Variants in SLC9C2 observed in about 807,000 individuals in gnomAD.
The protein encoded by SLC9C2 is sodium/hydrogen exchanger 11.
SLC9C2 carries 75 observed loss-of-function variants against 140.2 expected under a neutral mutation model. The observed-to-expected ratio is 0.53, with a 90% CI of 0.44 to 0.65. SLC9C2 has a LOEUF of 0.65. Among genes scored for constraint, SLC9C2 ranks in the 30% least tolerant of loss-of-function variants. SLC9C2 has a pLI of 0.00. For synonymous variants in SLC9C2, 375 were observed against 420.9 expected, an observed-to-expected ratio of 0.89 and a Z score of 1.34; for missense variants, 1,074 against 1,331.8, an observed-to-expected ratio of 0.81 and a Z score of 3.01.
intron 22 of SLC9C2, among the ~76,000 whole-genome samples, chr1:173,519,126 G>A (rs921971746): frequency 1.3e-4 from 20 of 152,052 alleles, no homozygotes; most frequent in African/African-American, 4.8e-4. Context: ...ATATTGCGGG[G>A]ACTGTAATCA....
intron 4 of SLC9C2, among the ~76,000 whole-genome samples, chr1:173,596,160 C>T (rs533794340): frequency 3.1e-4 from 47 of 152,178 alleles, no homozygotes; most frequent in African/African-American, 1.1e-3. Context: ...AGATGTTCCA[C>T]GATTTGTTTA....
chr1:173,550,440 A>T lies in SLC9C2; in HGVS notation c.1298-1888T>A, dbSNP rs1458875866. Reference sequence around the variant, plus strand: ...TTTTATTTTATTTATTTATTTATTTATTTATTTATTTATTTTTGAGGAGGA... The same window carrying T: ...TTTTATTTTATTTATTTATTTATTTTTTTATTTATTTATTTTTGAGGAGGA... On this transcript the variant is annotated intron_variant, in intron 11 of 27. Transcript: ENST00000367714. Among the ~76,000 whole-genome samples the T allele has an allele frequency of 8.1e-3, 1,010 of 124,120 alleles. 13 individuals carry two copies. Among genetic ancestry groups the T allele is most frequent in the African/African-American group, 0.035 (940 of 27,064 alleles). The allele number at this position is 124,120 out of a possible 152,430, so 81.4% of individuals were successfully genotyped here.
intron 14 of SLC9C2, 96 bp downstream of exon 14, chr1:173,536,846 A>G: frequency 1.2e-6 from 1 of 867,194 alleles, no homozygotes; most frequent in Non-Finnish European, 1.9e-6. Flanking sequence ...GAAATAATAG[A>G]TTGATCAATC....
At chr1:173,579,562 A>T (rs1371478021) in intron 7 of SLC9C2, among the ~76,000 whole-genome samples, 1 of 152,148 alleles carries the variant, frequency 6.6e-6, no homozygotes, top group African/African-American at 2.4e-5. Context: ...TCTAAATCAC[A>T]AGTGTCTCAA....
chr1:173,540,709 A>T (rs1662332075), intron 13 of SLC9C2, among the ~76,000 whole-genome samples: 1 of 152,226 alleles, frequency 6.6e-6, no homozygotes, highest in Non-Finnish European at 1.5e-5. Flanking sequence ...CATTAAAAGT[A>T]CTGCTTTTTG....
At chr1:173,529,245 C>T (rs763842753) in intron 18 of SLC9C2, among the ~76,000 whole-genome samples, 6 of 151,950 alleles carry the variant, frequency 3.9e-5, no homozygotes, top group African/African-American at 9.7e-5. Context: ...CTAAAGAATG[C>T]GAGTCTCCTC....
chr1:173,568,079 A>G (rs1196755148), intron 9 of SLC9C2, among the ~76,000 whole-genome samples: 1 of 152,082 alleles, frequency 6.6e-6, no homozygotes, highest in Non-Finnish European at 1.5e-5. Context: ...GTAGTTTGTC[A>G]TTTTGCATTT....
Position 173,574,456 on chromosome 1 carries a change from T to G in SLC9C2, c.903-1131A>C, listed in dbSNP as rs185325070. Among the ~76,000 whole-genome samples, 459 of 151,834 alleles carry G rather than the reference T, an allele frequency of 3.0e-3. 2 individuals carry two copies. Among genetic ancestry groups the G allele is most frequent in the Non-Finnish European group, 4.9e-3 (336 of 67,950 alleles). On this transcript the variant is annotated intron_variant, in intron 8 of 27. Transcript: ENST00000367714. ...TGAGGGGACCTCAAACCCCAGTGCA[T>G]AGTTTTCAAAAAATTCAGAAGTCAT...
rs1323410471 is a variant in SLC9C2, at chr1:173,533,645, T to G, written c.2127A>C (p.Gly709=). ...LALIQLTVIM[G]YLRIIRFLPL... is the part of the protein sequence containing the mutation. ...GAAGAAACCTAATTATTCTTAAATA[T>G]CCCATTATTACTGTAAGCTGTATAA... Residue 709 remains glycine (G), a synonymous_variant, in exon 17 of 28, where the codon GGA becomes GGC. Transcript: ENST00000367714. 6.2e-7 allele frequency: 1 copy of G among 1,601,948 alleles called. No homozygotes were observed. Among genetic ancestry groups the G allele is most frequent in the East Asian group, 2.2e-5 (1 of 44,582 alleles).
At position 173,581,969 on chromosome 1, in the gene SLC9C2, C is replaced by T; in HGVS notation, c.680G>A (p.Gly227Glu). ...ACACCAATATCCAAATATTATGCTT[C>T]CCAAAATGTCATAGCTGAGTTCAAT... is the stretch of plus-strand genomic sequence containing the variant. Reference protein sequence around the residue: ...VGIELSYDILGSIIFGYWCAK... With the variant: ...VGIELSYDILESIIFGYWCAK... The change falls in exon 7 of 28, where the codon GGA becomes GAA. Residue 227 changes from glycine (G) to glutamate (E), a missense_variant. Transcript: ENST00000367714. 27 of 1,595,418 alleles carry T rather than the reference C, an allele frequency of 1.7e-5. No homozygotes were observed. The highest frequency in any genetic ancestry group is 2.3e-5 in the Non-Finnish European group (27 of 1,168,420).
intron 23 of SLC9C2, among the ~76,000 whole-genome samples, chr1:173,515,992 A>T (rs1660387690): frequency 6.6e-6 from 1 of 152,058 alleles, no homozygotes; most frequent in Non-Finnish European, 1.5e-5. Flanking sequence ...ACACCTGGAG[A>T]TGTCACTCGA....
intron 9 of SLC9C2, among the ~76,000 whole-genome samples, chr1:173,567,329 A>G (rs954183532): frequency 7.2e-5 from 11 of 152,188 alleles, no homozygotes; most frequent in Admixed American, 4.6e-4. Context: ...TATTTGTTTT[A>G]TCTGGGTGCT....
intron 4 of SLC9C2, among the ~76,000 whole-genome samples, chr1:173,597,332 CAT>C (rs756358059): frequency 3.3e-5 from 5 of 151,966 alleles, no homozygotes; most frequent in South Asian, 2.1e-4. Context: ...AAAACCAAAA[CAT>C]GTGGGATACC....
Position 173,575,950 on chromosome 1 carries a change from G to A in SLC9C2, c.902+711C>T, listed in dbSNP as rs115360012. On this transcript the variant is annotated intron_variant, in intron 8 of 27. Transcript: ENST00000367714. The stretch of plus-strand genomic sequence containing the variant: ...TATCATTGGAATGTCATAAAAGAAA[G>A]GACATTATAAACAACAAAAAAGTAG... Among the ~76,000 whole-genome samples, 1,235 of 152,134 alleles carry A rather than the reference G, an allele frequency of 8.1e-3. 12 individuals carry two copies. The highest frequency in any genetic ancestry group is 0.028 in the African/African-American group (1,164 of 41,506).
Position 173,547,799 on chromosome 1 carries a change from A to T in SLC9C2, c.1462-15T>A. 1 of 1,582,950 alleles carries T rather than the reference A, an allele frequency of 6.3e-7. No individual in the cohort carries two copies. Among genetic ancestry groups the T allele is most frequent in the Non-Finnish European group, 8.7e-7 (1 of 1,154,816 alleles). ...ACGTGGGAAAACTGAACCGTATCAG[A>T]TGACATTTTAAAACATAAAGGGATA... On this transcript the variant is annotated splice_polypyrimidine_tract_variant and intron_variant, in intron 12 of 27. Transcript: ENST00000367714.
chr1:173,527,360 C>T (rs1192906636), intron 18 of SLC9C2, among the ~76,000 whole-genome samples: 1 of 152,140 alleles, frequency 6.6e-6, no homozygotes, highest in African/African-American at 2.4e-5. Flanking sequence ...CCACTGTGCA[C>T]CAAGGAGAAT....
rs201991626 is a variant in SLC9C2 at position 173,533,783 on chromosome 1, T to C, written c.1989A>G (p.Lys663=). The C allele has an allele frequency of 2.0e-5, 32 of 1,603,198 alleles. No homozygotes were observed. Among genetic ancestry groups the C allele is most frequent in the Non-Finnish European group, 2.4e-5 (28 of 1,173,020 alleles). The part of the protein sequence containing the change: ...LESTLKIIIL[K]RKYFQQCWNT... ...TCCAACATTGTTGAAAATATTTCCTTTTCAAAATTATTATCTGTACAGAAA... is the reference window on the plus strand; with the variant it reads ...TCCAACATTGTTGAAAATATTTCCTCTTCAAAATTATTATCTGTACAGAAA... The change falls in exon 17 of 28, where the codon AAA becomes AAG. Residue 663 remains lysine, a synonymous_variant. Transcript: ENST00000367714.
At chr1:173,586,336 A>T (rs1665846683) in intron 5 of SLC9C2, among the ~76,000 whole-genome samples, 1 of 152,212 alleles carries the variant, frequency 6.6e-6, no homozygotes, top group African/African-American at 2.4e-5. Flanking sequence ...TAAGAATATC[A>T]CAAGCTGGAA....
At chr1:173,512,507 C>G (rs1286131151) in intron 23 of SLC9C2, among the ~76,000 whole-genome samples, 1 of 152,110 alleles carries the variant, frequency 6.6e-6, no homozygotes, top group Admixed American at 6.6e-5. Flanking sequence ...GATTTTGTAT[C>G]CTGAGACTTT....
Sources: allele counts gnomAD v4.1 joint callset (sites outside exome capture counted in the v4.1 genomes callset), GRCh38; gene constraint gnomAD v4.1.1; transcripts MANE v1.5; gene names NCBI Gene and HGNC (gene_info 2026-07-23, HGNC 2026-07-21).